ZSCAN2: variants seen among roughly 807,000 people sequenced by gnomAD.
The protein encoded by ZSCAN2 is zinc finger and SCAN domain containing 2.
A neutral mutation model predicts 47.8 loss-of-function variants in ZSCAN2; 26 were observed. The ratio of observed to expected loss-of-function variants is 0.54; its 90% CI spans 0.40 to 0.75. The LOEUF (loss-of-function observed/expected upper bound fraction) is 0.75, where lower values mean the gene tolerates loss of function less well. Ranked by LOEUF, ZSCAN2 falls within the 30% of genes least tolerant of loss-of-function variation. The pLI, the probability that ZSCAN2 is intolerant of heterozygous loss-of-function variation, is 0.00. For missense variants in ZSCAN2, 732 were observed against 785.4 expected, an observed-to-expected ratio of 0.93 and a Z score of 0.81; for synonymous variants, 305 against 288.7, an observed-to-expected ratio of 1.06 and a Z score of -0.57.
chr15:84,621,962 CGA>C lies in ZSCAN2; in HGVS notation c.1769_1770del (p.Glu590ValfsTer10), dbSNP rs754651064. 1 of 1,614,130 alleles carries C rather than the reference CGA, an allele frequency of 6.2e-7. No homozygotes were observed. Among genetic ancestry groups the C allele is most frequent in the Admixed American group, 1.7e-5 (1 of 60,018 alleles). On this transcript the variant is annotated frameshift_variant, in exon 3 of 3. Transcript: ENST00000546148. LOFTEE classifies it high-confidence loss of function. The surrounding 1 kb of genome is among the most constrained non-coding windows in gnomAD (Gnocchi z 5.7). The part of the protein sequence containing the change: ...HTGEKPYKCP[E>X]CGKGFSNSSN... ...CTGGGGAGAAGCCCTACAAATGCCC[CGA>C]GTGTGGCAAAGGCTTCAGCAACAGC...
At position 84,621,554 on chromosome 15, in the gene ZSCAN2, G is replaced by A. The variant is rs773371599; in HGVS notation, c.1359G>A (p.Lys453=). The change falls in exon 3 of 3, where the codon AAG becomes AAA. Residue 453 remains lysine (K), a synonymous_variant. Coordinates refer to ENST00000546148, the MANE Select transcript of ZSCAN2 (RefSeq NM_181877.4). The surrounding 1 kb of genome is among the most constrained non-coding windows in gnomAD (Gnocchi z 5.7). ...EKPYKCGVCG[K]SFSQSSSLIA... is the part of the protein sequence containing the mutation. ...CCTATAAGTGTGGGGTGTGTGGGAA[G>A]AGCTTCAGCCAGAGCTCCAGTCTGA... is the stretch of plus-strand genomic sequence containing the variant. 3.6e-5 allele frequency: 58 copies of A among 1,613,928 alleles called. 1 individual carries two copies. The South Asian group carries it at 5.5e-4, about 15-fold the overall frequency.
Position 84,623,110 on chromosome 15 carries a change from C to T in ZSCAN2, c.*1070C>T, listed in dbSNP as rs192653261. ...ATTATTATTATTATTATTTTTGAGA[C>T]GGAGTCTCACTCTGTCACCCAGGCT... On this transcript the variant is annotated 3_prime_UTR_variant, in exon 3 of 3. Transcript: ENST00000546148. The T allele has an allele frequency of 5.1e-4, 82 of 162,128 alleles. 1 individual carries two copies. The highest frequency in any genetic ancestry group is 1.6e-3 in the African/African-American group (68 of 41,528). 10.0% of individuals were successfully genotyped at this position (162,128 alleles called of 1,614,324 possible).
At position 84,621,610 on chromosome 15, in the gene ZSCAN2, A is replaced by G; in HGVS notation, c.1415A>G (p.Lys472Arg). The change falls in exon 3 of 3, where the codon AAA becomes AGA. Residue 472 changes from lysine to arginine, a missense_variant. Lys to Arg is a conservative substitution (Grantham distance 26). This residue lies in a region of ZSCAN2 where 412 missense variants were observed against 498.0 expected (regional missense o/e 0.83). Transcript: ENST00000546148. This position sits in a 1 kb window ranked among gnomAD's most constrained non-coding sequence, Gnocchi z 5.7. The part of the protein sequence containing the change: ...IAHQGMHTGE[K>R]PYECLTCGES... ...CACCAGGGCATGCACACAGGGGAGA[A>G]ACCCTACGAGTGCCTGACATGTGGG... 6.2e-7 allele frequency: 1 copy of G among 1,614,036 alleles called. No homozygotes were observed. Among genetic ancestry groups the G allele is most frequent in the Non-Finnish European group, 8.5e-7 (1 of 1,179,994 alleles).
chr15:84,616,643 T>A, intron 2 of ZSCAN2: 1 of 1,160,016 alleles, frequency 8.6e-7, no homozygotes, highest in Non-Finnish European at 1.1e-6. Context: ...ATTGGAGAGC[T>A]AACCAGTTCT....
Position 84,604,126 on chromosome 15 carries a change from G to A in ZSCAN2, c.199G>A (p.Glu67Lys). The A allele has an allele frequency of 6.2e-7, 1 of 1,613,966 alleles. No homozygotes were observed. Among genetic ancestry groups the A allele is most frequent in the Non-Finnish European group, 8.5e-7 (1 of 1,179,942 alleles). ...PQSAGKGGPQEEVTRGPQGAL... is the reference protein window; with the variant it reads ...PQSAGKGGPQKEVTRGPQGAL... ...GAGTGCTGGCAAGGGCGGCCCCCAG[G>A]AGGAGGTGACCAGGGGACCACAGGG... Residue 67 changes from glutamate to lysine, a missense_variant, in exon 2 of 3, where the codon GAG becomes AAG. Glu to Lys is a moderately conservative substitution (Grantham distance 56). Transcript: ENST00000546148.
At position 84,622,335 on chromosome 15, in the gene ZSCAN2, T is replaced by C; in HGVS notation, c.*295T>C. 1 of 575,478 alleles carries C rather than the reference T, an allele frequency of 1.7e-6. No homozygotes were observed. Among genetic ancestry groups the C allele is most frequent in the Non-Finnish European group, 3.1e-6 (1 of 318,576 alleles). The allele number at this position is 575,478 out of a possible 1,614,324, so 35.6% of individuals were successfully genotyped here. A position where few individuals can be genotyped will look rare whatever the true frequency, so the allele number is the denominator to read the frequency against. ...ATGATTCCTCTGTGCCTCAGTTTCC[T>C]CTTTGGTAAAATGGGGGGAAATGTT... On this transcript the variant is annotated 3_prime_UTR_variant, in exon 3 of 3. Transcript: ENST00000546148.
chr15:84,613,116 T>C (rs563166669), intron 2 of ZSCAN2, among the ~76,000 whole-genome samples: 24 of 152,376 alleles, frequency 1.6e-4, no homozygotes, highest in African/African-American at 5.3e-4. Context: ...CTCTTCTCCA[T>C]GGATTTAAGA....
chr15:84,618,487 C>G (rs981527255), intron 2 of ZSCAN2, among the ~76,000 whole-genome samples: 2 of 151,724 alleles, frequency 1.3e-5, no homozygotes, highest in African/African-American at 4.8e-5. Flanking sequence ...TCAGGCTCAT[C>G]AAGAGGACAT....
intron 1 of ZSCAN2, 53 bp from the exon 2 acceptor site, chr15:84,603,767 A>G: frequency 1.2e-6 from 1 of 807,382 alleles, no homozygotes; most frequent in Non-Finnish European, 1.9e-6. Flanking sequence ...TGTGAGTTAG[A>G]TTGCTTTAGG....
At chr15:84,616,649 G>A (rs1464054716) in intron 2 of ZSCAN2, 1 of 1,144,668 alleles carries the variant, frequency 8.7e-7, no homozygotes, top group Non-Finnish European at 1.1e-6. Flanking sequence ...GAGCTAACCA[G>A]TTCTGATTTT....
chr15:84,602,917 G>T, intron 1 of ZSCAN2, among the ~76,000 whole-genome samples: 1 of 152,084 alleles, frequency 6.6e-6, no homozygotes, highest in African/African-American at 2.4e-5. Context: ...TGCTATATGG[G>T]TGTGTCATAG....
rs186137635 is a variant in ZSCAN2, at chr15:84,603,256, A to T, written c.-108-564A>T. ...ACACAGTGCAAGTCGAAACTGACTT[A>T]GGAGAGTCCTCAGTATTTCAGTCAT... On this transcript the variant is annotated intron_variant, in intron 1 of 2. Transcript: ENST00000546148. 2.0e-3 allele frequency among the ~76,000 whole-genome samples: 299 copies of T among 152,294 alleles called. 1 individual carries two copies. Among genetic ancestry groups the T allele is most frequent in the Non-Finnish European group, 3.5e-3 (240 of 68,018 alleles).
intron 1 of ZSCAN2, among the ~76,000 whole-genome samples, chr15:84,603,525 C>T (rs965190650): frequency 3.3e-5 from 5 of 151,938 alleles, no homozygotes; most frequent in African/African-American, 1.2e-4. Context: ...CCCGCCACCA[C>T]GCCCGGCTAA....
chr15:84,606,466 G>GA, intron 2 of ZSCAN2: 1 of 1,385,194 alleles, frequency 7.2e-7, no homozygotes. Context: ...CTTTGGCCCT[G>GA]AAAAAATAAC....
chr15:84,603,622 A>G (rs1895278665), intron 1 of ZSCAN2, among the ~76,000 whole-genome samples, 198 bp from the exon 2 acceptor site: 2 of 152,128 alleles, frequency 1.3e-5, no homozygotes, highest in East Asian at 3.9e-4. Context: ...GATTACAGGC[A>G]TGAGACACTG....
chr15:84,603,253 C>T (rs1895265697), intron 1 of ZSCAN2, among the ~76,000 whole-genome samples: 1 of 152,030 alleles, frequency 6.6e-6, no homozygotes, highest in Non-Finnish European at 1.5e-5. Context: ...TCGAAACTGA[C>T]TTAGGAGAGT....
Position 84,603,899 on chromosome 15 carries a change from A to C in ZSCAN2, c.-29A>C. The C allele has an allele frequency of 6.3e-7, 1 of 1,591,544 alleles. No individual in the cohort carries two copies. Among genetic ancestry groups the C allele is most frequent in the Non-Finnish European group, 8.6e-7 (1 of 1,165,630 alleles). ...GGAGAAGACTGAGGTCCAAGGCTTG[A>C]AGCCTAAGTGATTGCCCCAGGACTG... On this transcript the variant is annotated 5_prime_UTR_variant, in exon 2 of 3. Coordinates refer to ENST00000546148, the MANE Select transcript of ZSCAN2 (RefSeq NM_181877.4).
Position 84,603,861 on chromosome 15 carries a change from TGA to T in ZSCAN2, c.-63_-62del. ...TATTTGAGGAGGGAAGTGTCTTACCTGAGAGCCTGGCTGGAGAAGACTGAGGT... is the reference window on the plus strand; with the variant it reads ...TATTTGAGGAGGGAAGTGTCTTACCTGAGCCTGGCTGGAGAAGACTGAGGT... On this transcript the variant is annotated 5_prime_UTR_variant, in exon 2 of 3. Coordinates refer to ENST00000546148, the MANE Select transcript of ZSCAN2 (RefSeq NM_181877.4). The T allele has an allele frequency of 1.3e-6, 2 of 1,540,704 alleles. No individual in the cohort carries two copies. The highest frequency in any genetic ancestry group is 2.5e-5 in the South Asian group (2 of 79,474).
At chr15:84,608,757 C>T (rs915467404) in intron 2 of ZSCAN2, among the ~76,000 whole-genome samples, 2 of 152,050 alleles carry the variant, frequency 1.3e-5, no homozygotes, top group Non-Finnish European at 2.9e-5. Flanking sequence ...TTTGAAAGTG[C>T]CCAGGTAGTT....
Sources: gnomAD v4.1 joint callset for allele counts (sites outside exome capture counted in the v4.1 genomes callset) on GRCh38, gnomAD v4.1.1 for gene constraint, gnomAD v4.1.1 regional missense constraint, Gnocchi (gnomAD v3.1) non-coding constraint, MANE v1.5 for transcripts, NCBI Gene and HGNC (gene_info 2026-07-23, HGNC 2026-07-21) for gene names.